Variants in KCNMA1 observed in about 807,000 individuals in gnomAD.
KCNMA1 encodes the protein potassium calcium-activated channel subfamily M alpha 1.
In KCNMA1, 29 loss-of-function variants were observed where a neutral mutation model predicts 140.0. That is an observed-to-expected ratio of 0.21 (90% CI 0.15 to 0.28). The LOEUF (loss-of-function observed/expected upper bound fraction) is 0.28, where lower values mean the gene tolerates loss of function less well. KCNMA1 is among the 10% of genes least tolerant of loss of function. KCNMA1 has a pLI of 1.00. For synonymous variants in KCNMA1, 612 were observed against 611.9 expected, an observed-to-expected ratio of 1.00 and a Z score of 0.00; for missense variants, 880 against 1,602.2, an observed-to-expected ratio of 0.55 and a Z score of 7.70.
At chr10:77,121,078 T>G in intron 5 of KCNMA1, 30 bp from the exon 6 acceptor site, 55 of 1,231,202 alleles carry the variant, frequency 4.5e-5, no homozygotes, top group Non-Finnish European at 6.1e-5. Context: ...AGAGATGCAT[T>G]ATTTTCAATG....
At chr10:76,983,758 T>G (rs933991194) in intron 19 of KCNMA1, among the ~76,000 whole-genome samples, 1 of 151,042 alleles carries the variant, frequency 6.6e-6, no homozygotes, top group African/African-American at 2.4e-5. Context: ...AATTTAATAA[T>G]GAAAAACATA....
chr10:77,280,983 A>G (rs2068352024), intron 2 of KCNMA1, among the ~76,000 whole-genome samples: 2 of 152,188 alleles, frequency 1.3e-5, no homozygotes, highest in African/African-American at 4.8e-5. Context: ...GAAATGCTCA[A>G]CCTCAAAGTT....
chr10:77,227,968 T>A (rs1160440990), intron 3 of KCNMA1, among the ~76,000 whole-genome samples: 4 of 150,706 alleles, frequency 2.7e-5, no homozygotes, highest in African/African-American at 7.3e-5. Context: ...AATTTAATTT[T>A]TTTTTTTTTT....
chr10:77,382,888 ATAT>A (rs1566444618), intron 2 of KCNMA1, among the ~76,000 whole-genome samples: 57 of 40,668 alleles, frequency 1.4e-3, no homozygotes, highest in African/African-American at 3.2e-3. Context: ...AAAAAAAAAT[ATAT>A]ATATATATAT....
chr10:77,237,311 G>A (rs553814537), intron 3 of KCNMA1, among the ~76,000 whole-genome samples: 1 of 152,298 alleles, frequency 6.6e-6, no homozygotes, highest in East Asian at 1.9e-4. Flanking sequence ...CACCCCATGT[G>A]ACAAAGGAAA....
intron 13 of KCNMA1, 27 bp from the exon 14 acceptor site, chr10:77,073,279 C>T (rs370389921): frequency 1.9e-6 from 3 of 1,612,286 alleles, no homozygotes; most frequent in Non-Finnish European, 2.5e-6. Flanking sequence ...AGGTATGAGA[C>T]CTTGCTCTGT....
At chr10:77,477,083 G>T (rs1347164272) in intron 1 of KCNMA1, among the ~76,000 whole-genome samples, 2 of 152,206 alleles carry the variant, frequency 1.3e-5, no homozygotes, top group Non-Finnish European at 2.9e-5. Flanking sequence ...TTAGCTGCAT[G>T]ACTTGCCTCC....
chr10:77,317,719 C>G (rs1436970004), intron 2 of KCNMA1, among the ~76,000 whole-genome samples: 1 of 152,212 alleles, frequency 6.6e-6, no homozygotes, highest in African/African-American at 2.4e-5. Flanking sequence ...TGGCACAAGG[C>G]CGCTGTACAT....
At chr10:76,971,174 C>T (rs1228268947) in intron 19 of KCNMA1, among the ~76,000 whole-genome samples, 1 of 152,128 alleles carries the variant, frequency 6.6e-6, no homozygotes, top group Non-Finnish European at 1.5e-5. Context: ...TAGTTGACTG[C>T]AACACAGACT....
intron 1 of KCNMA1, among the ~76,000 whole-genome samples, chr10:77,540,157 G>A (rs1459032962): frequency 6.6e-6 from 1 of 152,186 alleles, no homozygotes; most frequent in Non-Finnish European, 1.5e-5. Flanking sequence ...TCCCAGCCAG[G>A]TGGAGCAGAG....
intron 1 of KCNMA1, among the ~76,000 whole-genome samples, chr10:77,482,545 C>T (rs796869526): frequency 6.6e-6 from 1 of 152,162 alleles, no homozygotes; most frequent in Non-Finnish European, 1.5e-5. Context: ...GCAGGATCAA[C>T]TTGTCCATCT....
chr10:77,506,561 GAGA>G (rs2045895859), intron 1 of KCNMA1, among the ~76,000 whole-genome samples: 1 of 146,978 alleles, frequency 6.8e-6, no homozygotes, highest in Non-Finnish European at 1.5e-5. Context: ...GAGGGAAAGA[GAGA>G]TGTTCCTAGA....
chr10:77,013,619 A>G (rs1248239665), intron 17 of KCNMA1, among the ~76,000 whole-genome samples: 1 of 152,140 alleles, frequency 6.6e-6, no homozygotes, highest in Admixed American at 6.5e-5. Context: ...ACACATAATG[A>G]TAATAACGGT....
rs1265949438 is a variant in KCNMA1 at position 76,885,183 on chromosome 10, A to T, written c.*2083T>A. On this transcript the variant is annotated 3_prime_UTR_variant, in exon 28 of 28. Coordinates refer to ENST00000286628, the MANE Select transcript of KCNMA1 (RefSeq NM_001161352.2). Reference sequence around the variant, plus strand: ...CATGAAGAGCTCTTCATGATCCAATACTAGGGGATACATATATATAGTTAT... The same window carrying T: ...CATGAAGAGCTCTTCATGATCCAATTCTAGGGGATACATATATATAGTTAT... 1.9e-6 allele frequency: 2 copies of T among 1,079,912 alleles called. No individual in the cohort carries two copies. The highest frequency in any genetic ancestry group is 2.3e-6 in the Non-Finnish European group (2 of 859,414). The allele number at this position is 1,079,912 out of a possible 1,614,324, so 66.9% of individuals were successfully genotyped here.
At chr10:76,892,245 G>A (rs972163945) in intron 25 of KCNMA1, among the ~76,000 whole-genome samples, 4 of 152,122 alleles carry the variant, frequency 2.6e-5, no homozygotes, top group Admixed American at 6.5e-5. Flanking sequence ...CAGAAATCTC[G>A]ATCAATTAAA....
At chr10:77,130,009 A>G (rs1228583662) in intron 5 of KCNMA1, among the ~76,000 whole-genome samples, 1 of 152,124 alleles carries the variant, frequency 6.6e-6, no homozygotes, top group African/African-American at 2.4e-5. Flanking sequence ...TTGCACATAC[A>G]TTTTATTAAA....
chr10:77,242,149 C>A (rs1224390711), intron 3 of KCNMA1, among the ~76,000 whole-genome samples: 5 of 152,172 alleles, frequency 3.3e-5, no homozygotes, highest in Non-Finnish European at 7.3e-5. Context: ...ACCTCAGTTT[C>A]AAAAAGATGG....
intron 5 of KCNMA1, among the ~76,000 whole-genome samples, chr10:77,182,698 T>C (rs547406825): frequency 1.8e-4 from 28 of 152,316 alleles, no homozygotes; most frequent in South Asian, 6.2e-4. Flanking sequence ...TCTTCCCTAG[T>C]AGACCCCATG....
chr10:77,006,720 T>C (rs1397442508), intron 18 of KCNMA1, among the ~76,000 whole-genome samples: 1 of 152,210 alleles, frequency 6.6e-6, no homozygotes, highest in Non-Finnish European at 1.5e-5. Context: ...GGCAGAAGTA[T>C]TTGGCACTAG....
Sources: allele counts gnomAD v4.1 joint callset (sites outside exome capture counted in the v4.1 genomes callset), GRCh38; gene constraint gnomAD v4.1.1; transcripts MANE v1.5; gene names NCBI Gene and HGNC (gene_info 2026-07-23, HGNC 2026-07-21).